The following NHEJ1 variants were observed in gnomAD, a reference collection of about 807,000 sequenced individuals.
The protein encoded by NHEJ1 is non-homologous end joining factor 1, also known as non-homologous end-joining factor 1.
Under a neutral mutation model 39.4 loss-of-function variants are expected in NHEJ1, and 22 were observed. The observed-to-expected ratio is 0.56, with a 90% CI of 0.40 to 0.80. The LOEUF is 0.80. NHEJ1 is among the 30% of genes least tolerant of loss of function. The pLI is 0.00. For synonymous variants in NHEJ1, 154 were observed against 135.6 expected (o/e 1.14, Z -0.94); for missense variants, 329 against 357.1 (o/e 0.92, Z 0.63).
At chr2:219,123,874 T>G (rs1390170092) in intron 5 of NHEJ1, among the ~76,000 whole-genome samples, 3 of 152,202 alleles carry the variant, frequency 2.0e-5, no homozygotes, top group Non-Finnish European at 4.4e-5. Context: ...TCAGGCGCTG[T>G]GTTCTGTCAC....
At chr2:219,080,162 T>C (rs1343741396) in intron 5 of NHEJ1, among the ~76,000 whole-genome samples, 2 of 152,074 alleles carry the variant, frequency 1.3e-5, no homozygotes, top group Non-Finnish European at 2.9e-5. Flanking sequence ...GTCCTGCAGT[T>C]GCTGGCAAAG....
intron 5 of NHEJ1, among the ~76,000 whole-genome samples, chr2:219,092,204 G>A (rs1949166957): frequency 6.6e-6 from 1 of 151,962 alleles, no homozygotes; most frequent in East Asian, 1.9e-4. Context: ...TAAGAAGGGA[G>A]GATTGCTTGA....
intron 5 of NHEJ1, among the ~76,000 whole-genome samples, chr2:219,107,815 C>T (rs557867183): frequency 9.1e-4 from 139 of 152,250 alleles, no homozygotes; most frequent in Middle Eastern, 3.4e-3. Flanking sequence ...CCAAGATATA[C>T]ATATGGCAAA....
At chr2:219,084,758 G>A (rs1370636626) in intron 5 of NHEJ1, among the ~76,000 whole-genome samples, 2 of 152,138 alleles carry the variant, frequency 1.3e-5, no homozygotes, top group African/African-American at 2.4e-5. Context: ...AATAGCCCCT[G>A]CTTCTCAAAG....
chr2:219,097,042 T>C lies in NHEJ1; in HGVS notation c.589-18836A>G, dbSNP rs144236802. Among the ~76,000 whole-genome samples, 7 of 152,302 alleles carry C rather than the reference T, an allele frequency of 4.6e-5. No homozygotes were observed. The East Asian group carries it at 1.4e-3, about 29-fold the overall frequency. On this transcript the variant is annotated intron_variant, in intron 5 of 7. Transcript: ENST00000356853. ...TACAATGGTGTGAAAGTGATATGCA[T>C]TCAGTAGATATTCAGGGATATTCAA... is the stretch of plus-strand genomic sequence containing the variant.
chr2:219,077,097 C>T, intron 7 of NHEJ1, 149 bp downstream of exon 7: 8 of 702,450 alleles, frequency 1.1e-5, no homozygotes, highest in Middle Eastern at 7.5e-4. Context: ...GACTCTCCAT[C>T]TAGACACCTA....
chr2:219,095,002 T>C (rs1949192879), intron 5 of NHEJ1, among the ~76,000 whole-genome samples: 1 of 152,156 alleles, frequency 6.6e-6, no homozygotes, highest in Non-Finnish European at 1.5e-5. Context: ...CTCTGATTTT[T>C]ACCCCAGGTA....
At chr2:219,088,790 T>C (rs1388937996) in intron 5 of NHEJ1, among the ~76,000 whole-genome samples, 2 of 152,192 alleles carry the variant, frequency 1.3e-5, no homozygotes, top group Admixed American at 6.5e-5. Context: ...CTTTCCTACA[T>C]GCATTTTATA....
intron 5 of NHEJ1, among the ~76,000 whole-genome samples, chr2:219,122,926 C>T (rs1183782517): frequency 1.3e-5 from 2 of 152,126 alleles, no homozygotes; most frequent in Non-Finnish European, 2.9e-5. Context: ...GAGTGGATAG[C>T]GGAGGCCAGT....
intron 5 of NHEJ1, among the ~76,000 whole-genome samples, chr2:219,103,523 G>A (rs1221357352): frequency 2.0e-5 from 3 of 152,068 alleles, no homozygotes; most frequent in Admixed American, 6.5e-5. Context: ...TGATCCGTCC[G>A]CCTCGGCCTC....
intron 5 of NHEJ1, among the ~76,000 whole-genome samples, chr2:219,082,681 G>C (rs575558177): frequency 1.4e-4 from 21 of 152,338 alleles, no homozygotes; most frequent in Non-Finnish European, 2.5e-4. Flanking sequence ...CAGCCTTTGA[G>C]CATGTCTTTG....
At chr2:219,123,260 T>G (rs1949487924) in intron 5 of NHEJ1, among the ~76,000 whole-genome samples, 1 of 152,172 alleles carries the variant, frequency 6.6e-6, no homozygotes, top group Non-Finnish European at 1.5e-5. Flanking sequence ...GATCACACAT[T>G]AACAGTAAGT....
chr2:219,084,750 T>C (rs1949096902), intron 5 of NHEJ1, among the ~76,000 whole-genome samples: 1 of 152,268 alleles, frequency 6.6e-6, no homozygotes, highest in African/African-American at 2.4e-5. Flanking sequence ...CTCCCCAAAA[T>C]AGCCCCTGCT....
intron 5 of NHEJ1, among the ~76,000 whole-genome samples, chr2:219,106,805 C>T (rs539373468): frequency 6.6e-6 from 1 of 152,320 alleles, no homozygotes; most frequent in African/African-American, 2.4e-5. Context: ...AAAGTACAGA[C>T]AGTCAGCAAA....
chr2:219,103,368 C>A lies in NHEJ1; in HGVS notation c.589-25162G>T, dbSNP rs142227621. Among the ~76,000 whole-genome samples the A allele has an allele frequency of 9.9e-5, 15 of 151,854 alleles. No individual in the cohort carries two copies. The East Asian group carries it at 1.8e-3, about 18-fold the overall frequency. ...TAGGCTCACTGCAACCTCTGCCTCC[C>A]GGGTTCAAGCGATTCTCCTGTCTCA... On this transcript the variant is annotated intron_variant, in intron 5 of 7. Coordinates refer to ENST00000356853, the MANE Select transcript of NHEJ1 (RefSeq NM_024782.3).
At chr2:219,112,650 A>C (rs1949376202) in intron 5 of NHEJ1, among the ~76,000 whole-genome samples, 1 of 152,196 alleles carries the variant, frequency 6.6e-6, no homozygotes, top group Non-Finnish European at 1.5e-5. Context: ...AAAGGTCCAG[A>C]TATGAAGGAG....
chr2:219,151,127 CAAAAAAAA>C (rs59576120), intron 3 of NHEJ1, among the ~76,000 whole-genome samples: 2 of 55,996 alleles, frequency 3.6e-5, no homozygotes, highest in African/African-American at 1.4e-4. Flanking sequence ...GACCTTATCT[CAAAAAAAA>C]AAAAAAAAAA....
chr2:219,100,500 A>T (rs1949246677), intron 5 of NHEJ1, among the ~76,000 whole-genome samples: 2 of 151,774 alleles, frequency 1.3e-5, no homozygotes, highest in Admixed American at 1.3e-4. Context: ...AATCCCACCT[A>T]CTTGGGAGAC....
At chr2:219,157,432 T>C (rs369426794) in intron 3 of NHEJ1, 40 bp downstream of exon 3, 2 of 1,559,002 alleles carry the variant, frequency 1.3e-6, no homozygotes, top group Non-Finnish European at 1.8e-6. Context: ...TCAAAGCAAC[T>C]GGCATCCCTC....
Sources: allele counts gnomAD v4.1 joint callset (sites outside exome capture counted in the v4.1 genomes callset), GRCh38; gene constraint gnomAD v4.1.1; transcripts MANE v1.5; gene names NCBI Gene and HGNC (gene_info 2026-07-23, HGNC 2026-07-21).